The following UNC79 variants were observed in gnomAD, a reference collection of about 807,000 sequenced individuals.
UNC79 encodes the protein protein unc-79 homolog.
UNC79 carries 37 observed loss-of-function variants against 283.1 expected under a neutral mutation model. The ratio of observed to expected loss-of-function variants is 0.13; its 90% CI spans 0.10 to 0.17. UNC79 has a LOEUF of 0.17. Ranked by LOEUF, UNC79 falls within the 10% of genes least tolerant of loss-of-function variation. UNC79 has a pLI of 1.00. For synonymous variants in UNC79, 1,107 were observed against 1,200.2 expected (o/e 0.92, Z 1.61); for missense variants, 2,272 against 3,211.1 (o/e 0.71, Z 7.07).
chr14:93,604,765 T>C, intron 26 of UNC79, 131 bp from the exon 27 acceptor site: 1 of 954,582 alleles, frequency 1.0e-6, no homozygotes, highest in East Asian at 2.9e-5. Context: ...TAAACAACTT[T>C]TATGTGATGT....
intron 1 of UNC79, chr14:93,348,197 T>C: frequency 1.2e-6 from 1 of 851,516 alleles, no homozygotes; most frequent in Middle Eastern, 2.2e-4. Context: ...ACGAGCAAAA[T>C]TGCCTAGTTG....
intron 47 of UNC79, among the ~76,000 whole-genome samples, chr14:93,695,044 G>A (rs567647189): frequency 5.3e-5 from 8 of 152,162 alleles, no homozygotes; most frequent in African/African-American, 9.7e-5. Flanking sequence ...ACAGACTAGT[G>A]TGATACAAAA....
intron 1 of UNC79, among the ~76,000 whole-genome samples, chr14:93,391,902 C>G (rs1486563468): frequency 6.6e-6 from 1 of 152,168 alleles, no homozygotes. Flanking sequence ...CTAAAAGAAG[C>G]TGCTACACAA....
intron 40 of UNC79, among the ~76,000 whole-genome samples, chr14:93,670,753 C>G (rs185908694): frequency 4.6e-5 from 7 of 152,288 alleles, no homozygotes; most frequent in Non-Finnish European, 8.8e-5. Flanking sequence ...GCTGATAGCC[C>G]CAACTCTCTA....
chr14:93,699,077 A>T (rs1424751178), intron 47 of UNC79, among the ~76,000 whole-genome samples: 1 of 152,106 alleles, frequency 6.6e-6, no homozygotes, highest in Non-Finnish European at 1.5e-5. Flanking sequence ...TTTGTATTTA[A>T]ACTGCATTTC....
At chr14:93,438,584 A>G (rs2056179868) in intron 1 of UNC79, among the ~76,000 whole-genome samples, 1 of 152,062 alleles carries the variant, frequency 6.6e-6, no homozygotes, top group Non-Finnish European at 1.5e-5. Flanking sequence ...GGAATTTTCT[A>G]AGAATCTCCA....
At chr14:93,348,160 C>CT in intron 1 of UNC79, 1 of 1,290,084 alleles carries the variant, frequency 7.8e-7, no homozygotes. Context: ...GTCCAAAAAA[C>CT]TTTCAGAAAA....
At chr14:93,510,934 T>C (rs1452717885) in intron 7 of UNC79, among the ~76,000 whole-genome samples, 1 of 152,194 alleles carries the variant, frequency 6.6e-6, no homozygotes, top group African/African-American at 2.4e-5. Context: ...CACACTGCTA[T>C]AAAGAAATAC....
chr14:93,497,119 A>G (rs1279463752), intron 6 of UNC79, 38 bp from the exon 7 acceptor site: 3 of 1,581,778 alleles, frequency 1.9e-6, no homozygotes, highest in South Asian at 1.2e-5. Flanking sequence ...TTTTTATTTC[A>G]TGATGCTAAG....
At chr14:93,367,050 C>T (rs1343688305) in intron 1 of UNC79, among the ~76,000 whole-genome samples, 1 of 152,130 alleles carries the variant, frequency 6.6e-6, no homozygotes, top group Non-Finnish European at 1.5e-5. Flanking sequence ...TCATCTCCTG[C>T]TCTTATCTGG....
At chr14:93,526,255 T>C (rs1238015547) in intron 8 of UNC79, among the ~76,000 whole-genome samples, 1 of 152,220 alleles carries the variant, frequency 6.6e-6, no homozygotes, top group Non-Finnish European at 1.5e-5. Flanking sequence ...TAGGTCTGGC[T>C]CAGTATTGCT....
intron 16 of UNC79, 36 bp downstream of exon 16, chr14:93,572,852 A>G (rs1566678757): frequency 6.2e-7 from 1 of 1,608,834 alleles, no homozygotes; most frequent in East Asian, 2.2e-5. Flanking sequence ...TTTAGGAAAT[A>G]GTTCTTAGCT....
chr14:93,625,239 C>T (rs1042299847), intron 30 of UNC79, among the ~76,000 whole-genome samples: 1 of 152,196 alleles, frequency 6.6e-6, no homozygotes, highest in African/African-American at 2.4e-5. Flanking sequence ...CTTCCTTGCT[C>T]CACACTTCCC....
intron 1 of UNC79, among the ~76,000 whole-genome samples, chr14:93,390,848 G>A (rs2054868783): frequency 6.6e-6 from 1 of 152,134 alleles, no homozygotes; most frequent in Non-Finnish European, 1.5e-5. Flanking sequence ...AAAACTTAAT[G>A]TTGTAAAGAT....
intron 5 of UNC79, among the ~76,000 whole-genome samples, chr14:93,492,314 T>C (rs141211749): frequency 3.3e-5 from 5 of 151,308 alleles, no homozygotes; most frequent in Non-Finnish European, 7.4e-5. Flanking sequence ...GAAAAGATTT[T>C]GCGTCACTTG....
At chr14:93,467,824 A>G in intron 2 of UNC79, 33 bp downstream of exon 2, 5 of 1,473,286 alleles carry the variant, frequency 3.4e-6, no homozygotes, top group Non-Finnish European at 4.4e-6. Context: ...CTTTGAGAGA[A>G]TTATTAGGTA....
intron 25 of UNC79, among the ~76,000 whole-genome samples, chr14:93,602,378 T>C (rs1002989347): frequency 3.9e-5 from 6 of 152,188 alleles, no homozygotes; most frequent in African/African-American, 1.4e-4. Context: ...CCACTTTATG[T>C]TTTTATTTGC....
At chr14:93,523,124 A>G (rs1055200600) in intron 7 of UNC79, among the ~76,000 whole-genome samples, 1 of 152,166 alleles carries the variant, frequency 6.6e-6, no homozygotes, top group African/African-American at 2.4e-5. Context: ...AACCCCTTAC[A>G]TGTTTTTAAT....
intron 14 of UNC79, among the ~76,000 whole-genome samples, chr14:93,547,772 C>G (rs1465455260): frequency 6.6e-6 from 1 of 152,120 alleles, no homozygotes; most frequent in Non-Finnish European, 1.5e-5. Context: ...TGGAGAATCA[C>G]TTGAGCCCAA....
Sources: gnomAD v4.1 joint callset for allele counts (sites outside exome capture counted in the v4.1 genomes callset) on GRCh38, gnomAD v4.1.1 for gene constraint, MANE v1.5 for transcripts, NCBI Gene and HGNC (gene_info 2026-07-23, HGNC 2026-07-21) for gene names.